The following RDH11 variants were observed in gnomAD, a reference collection of about 807,000 sequenced individuals.
RDH11 encodes retinol dehydrogenase 11, also known as HCV core-binding protein HCBP12.
A neutral mutation model predicts 33.4 loss-of-function variants in RDH11; 19 were observed. The ratio of observed to expected loss-of-function variants is 0.57; its 90% confidence interval spans 0.40 to 0.83. The LOEUF (loss-of-function observed/expected upper bound fraction) is 0.83, where lower values mean the gene tolerates loss of function less well. Ranked by LOEUF, RDH11 falls within the 40% of genes least tolerant of loss-of-function variation. The pLI is 0.00. For synonymous variants in RDH11, 154 were observed against 155.3 expected, an observed-to-expected ratio of 0.99 and a Z score of 0.06; for missense variants, 353 against 389.0, an observed-to-expected ratio of 0.91 and a Z score of 0.78.
At chr14:67,684,272 T>C (rs910895822) in intron 6 of RDH11, among the ~76,000 whole-genome samples, 1 of 152,212 alleles carries the variant, frequency 6.6e-6, no homozygotes, top group African/African-American at 2.4e-5. Flanking sequence ...TTTCAGGTCA[T>C]TTCAACAATA....
chr14:67,693,336 G>T (rs896440258), intron 1 of RDH11, among the ~76,000 whole-genome samples: 3 of 152,160 alleles, frequency 2.0e-5, no homozygotes, highest in Non-Finnish European at 4.4e-5. Context: ...CCTGGCTTTG[G>T]TTTGAGCTCT....
chr14:67,685,277 T>C, intron 5 of RDH11, 73 bp from the exon 6 acceptor site: 1 of 1,258,870 alleles, frequency 7.9e-7, no homozygotes, highest in Non-Finnish European at 1.1e-6. Flanking sequence ...CAGAAAAGGA[T>C]GTAAATAAGC....
chr14:67,689,032 G>T (rs2037716106), intron 5 of RDH11, among the ~76,000 whole-genome samples: 1 of 152,118 alleles, frequency 6.6e-6, no homozygotes, highest in African/African-American at 2.4e-5. Flanking sequence ...ACAACTATCA[G>T]AGTCACCTCA....
At chr14:67,688,868 C>T (rs527700168) in intron 5 of RDH11, among the ~76,000 whole-genome samples, 1 of 152,248 alleles carries the variant, frequency 6.6e-6, no homozygotes, top group Admixed American at 6.5e-5. Flanking sequence ...AGAGACTATA[C>T]CTATCTTGTT....
intron 5 of RDH11, among the ~76,000 whole-genome samples, chr14:67,686,963 G>A (rs117845562): frequency 0.011 from 1,684 of 152,230 alleles, 15 homozygotes; most frequent in Non-Finnish European, 0.019. Flanking sequence ...CTCCCTAGAT[G>A]ACCCATAGTA....
chr14:67,695,670 G>A lies in RDH11; in HGVS notation c.34C>T (p.Leu12Phe), dbSNP rs774280448. The A allele has an allele frequency of 2.8e-5, 45 of 1,614,092 alleles. No individual in the cohort carries two copies. Among genetic ancestry groups the A allele is most frequent in the Non-Finnish European group, 3.6e-5 (43 of 1,180,044 alleles). The change falls in exon 1 of 7, where the codon CTT becomes TTT. Residue 12 changes from leucine (L) to phenylalanine (F), a missense_variant. Transcript: ENST00000381346. ...VELMFPLLLL[L>F]LPFLLYMAAP... is the part of the protein sequence containing the mutation. ...GCCATATACAGAAGGAAGGGCAGAA[G>A]GAGGAGCAACAGCGGGAACATGAGC... is the stretch of plus-strand genomic sequence containing the variant.
intron 1 of RDH11, among the ~76,000 whole-genome samples, chr14:67,694,477 T>TAC (rs59432236): frequency 0.43 from 61,112 of 142,690 alleles, 15,494 homozygotes; most frequent in Non-Finnish European, 0.59. Context: ...TATATATATA[T>TAC]ACACACACAC....
chr14:67,687,732 A>G (rs1479593224), intron 5 of RDH11, among the ~76,000 whole-genome samples: 1 of 149,584 alleles, frequency 6.7e-6, no homozygotes, highest in Non-Finnish European at 1.5e-5. Context: ...CAGCCTCCCA[A>G]ATTGCTGGGA....
At position 67,677,422 on chromosome 14, in the gene RDH11, A is replaced by G. The variant is rs1387303541; in HGVS notation, c.*899T>C. ...CACTGGTTTTTGTTAAGACCTCATC[A>G]GTCCTGGGTGCTTGCCCTCAATTCC... On this transcript the variant is annotated 3_prime_UTR_variant, in exon 7 of 7. Transcript: ENST00000381346. The G allele has an allele frequency of 8.5e-6, 1 of 117,212 alleles. No homozygotes were observed. The highest frequency in any genetic ancestry group is 3.4e-5 in the African/African-American group (1 of 29,232). The allele number at this position is 117,212 out of a possible 1,614,324, so 7.3% of individuals were successfully genotyped here.
At chr14:67,692,790 G>A (rs1417321543) in intron 2 of RDH11, 144 bp downstream of exon 2, 27 of 868,518 alleles carry the variant, frequency 3.1e-5, no homozygotes, top group Non-Finnish European at 4.7e-5. Flanking sequence ...GTAGAGCATA[G>A]TACTAGTTTC....
At chr14:67,687,866 G>A (rs1285692598) in intron 5 of RDH11, among the ~76,000 whole-genome samples, 2 of 151,580 alleles carry the variant, frequency 1.3e-5, no homozygotes, top group Admixed American at 6.6e-5. Context: ...CTCTGTCCCA[G>A]GTTCAGGCGA....
At chr14:67,690,648 T>G in intron 4 of RDH11, 1 of 517,082 alleles carries the variant, frequency 1.9e-6, no homozygotes, top group Non-Finnish European at 3.5e-6. Flanking sequence ...ACTATGTGAA[T>G]ATGAAGTCCC....
At chr14:67,687,308 G>A (rs753894704) in intron 5 of RDH11, among the ~76,000 whole-genome samples, 24 of 152,060 alleles carry the variant, frequency 1.6e-4, no homozygotes, top group Non-Finnish European at 2.8e-4. Flanking sequence ...TGGCCTCTAA[G>A]GGTTTGGCAT....
At chr14:67,689,003 G>T (rs1358576619) in intron 5 of RDH11, among the ~76,000 whole-genome samples, 1 of 152,114 alleles carries the variant, frequency 6.6e-6, no homozygotes, top group Non-Finnish European at 1.5e-5. Context: ...GCACCATAAT[G>T]ATTTTCCACT....
At chr14:67,692,765 A>G in intron 2 of RDH11, 169 bp downstream of exon 2, 1 of 870,864 alleles carries the variant, frequency 1.1e-6, no homozygotes, top group East Asian at 2.6e-5. Flanking sequence ...AATATTCATT[A>G]AGGGTCCATT....
At chr14:67,679,848 A>T (rs145084554) in intron 6 of RDH11, among the ~76,000 whole-genome samples, 1 of 152,380 alleles carries the variant, frequency 6.6e-6, no homozygotes, top group Non-Finnish European at 1.5e-5. Context: ...TGAATGTATT[A>T]CAATCTTTAG....
chr14:67,694,080 C>G (rs1004881137), intron 1 of RDH11, among the ~76,000 whole-genome samples: 1 of 152,190 alleles, frequency 6.6e-6, no homozygotes, highest in African/African-American at 2.4e-5. Context: ...TTAAAACAAT[C>G]TGTTGACCAG....
intron 6 of RDH11, among the ~76,000 whole-genome samples, chr14:67,681,481 A>T (rs894194157): frequency 1.3e-5 from 2 of 152,286 alleles, no homozygotes; most frequent in East Asian, 3.9e-4. Flanking sequence ...ACCTCATATC[A>T]TATACAAAAA....
chr14:67,688,965 T>C (rs2037715218), intron 5 of RDH11, among the ~76,000 whole-genome samples: 1 of 152,148 alleles, frequency 6.6e-6, no homozygotes, highest in Non-Finnish European at 1.5e-5. Context: ...AATGAATGAA[T>C]CTTCTGTCAA....
Sources: allele counts gnomAD v4.1 joint callset (sites outside exome capture counted in the v4.1 genomes callset), GRCh38; gene constraint gnomAD v4.1.1; transcripts MANE v1.5; gene names NCBI Gene and HGNC (gene_info 2026-07-23, HGNC 2026-07-21).